Variants in FMN2 observed in about 807,000 individuals in gnomAD.
FMN2 encodes formin-2.
In FMN2, 51 loss-of-function variants were observed where a neutral mutation model predicts 142.3. That is an observed-to-expected ratio of 0.36 (90% CI 0.29 to 0.45). The LOEUF is 0.45. Ranked by LOEUF, FMN2 falls within the 20% of genes least tolerant of loss-of-function variation. The pLI, the probability that FMN2 is intolerant of heterozygous loss-of-function variation, is 1.00. For synonymous variants in FMN2, 882 were observed against 869.8 expected (o/e 1.01, Z -0.25); for missense variants, 1,936 against 2,122.8 (o/e 0.91, Z 1.73).
At chr1:240,166,393 C>A (rs903765050) in intron 2 of FMN2, among the ~76,000 whole-genome samples, 1 of 151,984 alleles carries the variant, frequency 6.6e-6, no homozygotes, top group Admixed American at 6.6e-5. Context: ...CCAAGCCCAG[C>A]TAATTTTTGT....
At position 240,093,652 on chromosome 1, in the gene FMN2, G is replaced by T. The variant is rs754788440; in HGVS notation, c.1543G>T (p.Val515Leu). ...RGVASDSGGG[V>L]SPALAAKASG... The stretch of plus-strand genomic sequence containing the variant: ...GGTGGCGAGTGACAGCGGCGGTGGG[G>T]TGTCCCCAGCACTGGCCGCCAAGGC... Residue 515 changes from valine to leucine, a missense_variant, in exon 1 of 18, where the codon GTG becomes TTG. This residue lies in a region of FMN2 where 751 missense variants were observed against 791.8 expected (regional missense o/e 0.95). Transcript: ENST00000319653. The T allele has an allele frequency of 4.9e-6, 7 of 1,420,078 alleles. No individual in the cohort carries two copies. Among genetic ancestry groups the T allele is most frequent in the Non-Finnish European group, 5.5e-6 (6 of 1,098,550 alleles). The allele number at this position is 1,420,078 out of a possible 1,614,324, so 88.0% of individuals were successfully genotyped here.
At chr1:240,220,872 C>T (rs1411205795) in intron 6 of FMN2, among the ~76,000 whole-genome samples, 8 of 152,114 alleles carry the variant, frequency 5.3e-5, no homozygotes, top group African/African-American at 1.9e-4. Context: ...CTCCAGCCCC[C>T]CCACCCCACG....
chr1:240,171,275 G>A (rs568051928), intron 2 of FMN2: 47 of 742,656 alleles, frequency 6.3e-5, no homozygotes, highest in African/African-American at 5.1e-4. Flanking sequence ...AAAAGCATTC[G>A]AACTGTTGTG....
At chr1:240,200,548 T>A (rs767448763) in intron 4 of FMN2, among the ~76,000 whole-genome samples, 1 of 152,112 alleles carries the variant, frequency 6.6e-6, no homozygotes, top group Non-Finnish European at 1.5e-5. Flanking sequence ...CTACATACAT[T>A]TGGCTACTCT....
At chr1:240,098,276 AT>A (rs1341185490) in intron 1 of FMN2, among the ~76,000 whole-genome samples, 1 of 151,470 alleles carries the variant, frequency 6.6e-6, no homozygotes, top group African/African-American at 2.4e-5. Flanking sequence ...TAATTTTTGT[AT>A]TTTTAGTAGA....
intron 15 of FMN2, among the ~76,000 whole-genome samples, chr1:240,433,102 A>T (rs1675232057): frequency 6.6e-6 from 1 of 152,082 alleles, no homozygotes; most frequent in Non-Finnish European, 1.5e-5. Context: ...TTTTCCTTTT[A>T]GTCCTGCAAT....
chr1:240,375,032 C>T (rs1375937170), intron 14 of FMN2, among the ~76,000 whole-genome samples: 4 of 152,006 alleles, frequency 2.6e-5, no homozygotes, highest in Admixed American at 6.6e-5. Context: ...GGCCTAATTT[C>T]GACACTGTTG....
At chr1:240,376,081 T>C (rs1461602291) in intron 14 of FMN2, among the ~76,000 whole-genome samples, 5 of 152,166 alleles carry the variant, frequency 3.3e-5, no homozygotes, top group African/African-American at 9.6e-5. Flanking sequence ...GATTCTCCTT[T>C]TTTCCTGGTA....
chr1:240,458,769 C>A (rs1268005724), intron 16 of FMN2: 1 of 152,130 alleles, frequency 6.6e-6, no homozygotes, highest in African/African-American at 2.4e-5. Context: ...ATAGCTTCGA[C>A]CATCATGTAC....
At chr1:240,301,325 C>T (rs534804716) in intron 8 of FMN2, among the ~76,000 whole-genome samples, 1 of 151,826 alleles carries the variant, frequency 6.6e-6, no homozygotes, top group African/African-American at 2.4e-5. Context: ...TGCTGCCTCT[C>T]CTGCTCCATT....
chr1:240,425,763 C>T (rs1006350735), intron 15 of FMN2, among the ~76,000 whole-genome samples: 3 of 152,180 alleles, frequency 2.0e-5, no homozygotes, highest in African/African-American at 7.2e-5. Context: ...TGAGGGAGAA[C>T]GTGGTGAATG....
intron 15 of FMN2, among the ~76,000 whole-genome samples, chr1:240,417,074 G>A (rs1404668001): frequency 1.4e-5 from 2 of 148,110 alleles, no homozygotes; most frequent in African/African-American, 5.0e-5. Flanking sequence ...AAATGCATGG[G>A]TTTTGTGTGT....
chr1:240,341,357 C>T (rs1057309046), intron 13 of FMN2: 5 of 152,098 alleles, frequency 3.3e-5, no homozygotes, highest in Admixed American at 1.3e-4. Flanking sequence ...TTCAGAGTCA[C>T]TAGTTTCCTA....
intron 1 of FMN2, among the ~76,000 whole-genome samples, chr1:240,114,419 T>TG (rs781370027): frequency 2.6e-5 from 4 of 152,098 alleles, no homozygotes; most frequent in Non-Finnish European, 5.9e-5. Context: ...GAAAGCTCGA[T>TG]GGGGGATGCT....
At chr1:240,212,421 T>G (rs938266989) in intron 6 of FMN2, among the ~76,000 whole-genome samples, 1 of 152,166 alleles carries the variant, frequency 6.6e-6, no homozygotes, top group African/African-American at 2.4e-5. Context: ...TAGAAATGCT[T>G]GTTGCATTAT....
intron 2 of FMN2, among the ~76,000 whole-genome samples, chr1:240,130,743 T>G (rs1159120025): frequency 6.6e-6 from 1 of 152,246 alleles, no homozygotes; most frequent in Non-Finnish European, 1.5e-5. Context: ...TATTTTCTTT[T>G]TTGGGTGAAG....
chr1:240,134,981 C>T lies in FMN2; in HGVS notation c.1782+11636C>T, dbSNP rs187696236. On this transcript the variant is annotated intron_variant, in intron 2 of 17. Transcript: ENST00000319653. ...CTTGGTGTTATGTTCATGACCATCC[C>T]GTAGTGACTCCATGCTTTCCCTAGG... Among the ~76,000 whole-genome samples, 219 of 152,234 alleles carry T rather than the reference C, an allele frequency of 1.4e-3. 2 individuals carry two copies. The highest frequency in any genetic ancestry group is 4.9e-3 in the African/African-American group (204 of 41,544).
chr1:240,210,302 T>A (rs1295363865), intron 5 of FMN2, among the ~76,000 whole-genome samples: 1 of 152,176 alleles, frequency 6.6e-6, no homozygotes, highest in Non-Finnish European at 1.5e-5. Context: ...GTTTCATGAT[T>A]CCTTGAATTT....
intron 16 of FMN2, among the ~76,000 whole-genome samples, chr1:240,446,551 T>A (rs1413328122): frequency 6.6e-6 from 1 of 152,170 alleles, no homozygotes; most frequent in Non-Finnish European, 1.5e-5. Flanking sequence ...GTTACTCTTT[T>A]AAAAAATAAC....
Sources: allele counts gnomAD v4.1 joint callset (sites outside exome capture counted in the v4.1 genomes callset), GRCh38; gene constraint gnomAD v4.1.1; regional missense constraint gnomAD v4.1.1; transcripts MANE v1.5; gene names NCBI Gene and HGNC (gene_info 2026-07-23, HGNC 2026-07-21).